The following RBFOX1 variants were observed in gnomAD, a reference collection of about 807,000 sequenced individuals.
RBFOX1 encodes the protein RNA binding fox-1 homolog 1, also known as RNA binding protein fox-1 homolog 1.
In RBFOX1, 8 loss-of-function variants were observed where a neutral mutation model predicts 57.7. The ratio of observed to expected loss-of-function variants is 0.14; its 90% CI spans 0.08 to 0.25. RBFOX1 has a LOEUF of 0.25. Ranked by LOEUF, RBFOX1 falls within the 10% of genes least tolerant of loss-of-function variation. The pLI, the probability that RBFOX1 is intolerant of heterozygous loss-of-function variation, is 1.00. For missense variants in RBFOX1, 611 were observed against 548.5 expected (o/e 1.11, Z -1.14); for synonymous variants, 326 against 222.4 (o/e 1.47, Z -4.15).
intron 7 of RBFOX1, among the ~76,000 whole-genome samples, chr16:7,592,706 C>G (rs1430126644): frequency 6.6e-6 from 1 of 152,138 alleles, no homozygotes. Context: ...TGCCAAGAAG[C>G]CTGGGACATG....
At chr16:7,055,242 C>G (rs2051736391) in intron 4 of RBFOX1, among the ~76,000 whole-genome samples, 1 of 152,064 alleles carries the variant, frequency 6.6e-6, no homozygotes, top group Non-Finnish European at 1.5e-5. Flanking sequence ...ACTCAGCTGA[C>G]TACGCAACAC....
chr16:7,160,171 C>G (rs2078004844), intron 4 of RBFOX1, among the ~76,000 whole-genome samples: 1 of 151,784 alleles, frequency 6.6e-6, no homozygotes. Flanking sequence ...TTCTTGGTTT[C>G]CAAACTTCAT....
At chr16:5,757,009 C>G (rs1022282489) in intron 3 of RBFOX1, among the ~76,000 whole-genome samples, 11 of 152,118 alleles carry the variant, frequency 7.2e-5, no homozygotes, top group Admixed American at 4.6e-4. Flanking sequence ...TAGAAATTTA[C>G]TAATGATTTA....
chr16:5,321,741 G>C (rs1031975831), intron 1 of RBFOX1, among the ~76,000 whole-genome samples: 1 of 152,162 alleles, frequency 6.6e-6, no homozygotes, highest in Non-Finnish European at 1.5e-5. Flanking sequence ...GTGGTGGTTT[G>C]AGTAAATGGA....
upstream of RBFOX1, chr16:6,018,969 G>T (rs909685776): frequency 2.0e-6 from 1 of 489,826 alleles, no homozygotes; most frequent in Non-Finnish European, 2.6e-6. Context: ...ACGCGTGACC[G>T]CGGCGGCGGC....
At chr16:5,424,859 CTTCTTTCTTTCTTTTTTTTCTTTCTTTCT>C in intron 1 of RBFOX1, among the ~76,000 whole-genome samples, 1 of 143,234 alleles carries the variant, frequency 7.0e-6, no homozygotes, top group East Asian at 2.0e-4. Context: ...CTCTCTCTCT[CTTCTTTCTTTCTTTTTTTTCTTTCTTTCT>C]TTCTTTCTTT....
At chr16:7,301,067 C>G (rs2096018530) in intron 4 of RBFOX1, among the ~76,000 whole-genome samples, 1 of 151,954 alleles carries the variant, frequency 6.6e-6, no homozygotes. Context: ...ATGGCTCTTT[C>G]TCAGTCTCTT....
At position 6,639,149 on chromosome 16, in the gene RBFOX1, A is replaced by G. The variant is rs766268342; in HGVS notation, c.-63-15454A>G. Reference sequence around the variant, plus strand: ...CTCAATAGGATGCATAAGAATGATAAATTTTTTTCAAATCATGTGCGCTAG... The same window carrying G: ...CTCAATAGGATGCATAAGAATGATAGATTTTTTTCAAATCATGTGCGCTAG... On this transcript the variant is annotated intron_variant, in intron 2 of 15. Transcript: ENST00000550418. Among the ~76,000 whole-genome samples the G allele has an allele frequency of 2.0e-5, 3 of 152,178 alleles. No homozygotes were observed. The South Asian group carries it at 6.2e-4, about 32-fold the overall frequency.
At chr16:6,425,582 T>C (rs2093902182) in intron 2 of RBFOX1, among the ~76,000 whole-genome samples, 2 of 152,128 alleles carry the variant, frequency 1.3e-5, no homozygotes, top group African/African-American at 4.8e-5. Flanking sequence ...CAAGTTTATC[T>C]ACTGTATGTG....
At chr16:6,180,800 AAGTAATCTAC>A (rs1361499392) in intron 1 of RBFOX1, among the ~76,000 whole-genome samples, 1 of 152,090 alleles carries the variant, frequency 6.6e-6, no homozygotes, top group African/African-American at 2.4e-5. Context: ...TCCTGACCTC[AAGTAATCTAC>A]CTGCCTCGGC....
At position 6,877,370 on chromosome 16, in the gene RBFOX1, C is replaced by T. The variant is rs530396388; in HGVS notation, c.-15-174687C>T. ...TAGCAGAACACAAAAATGTAATTCT[C>T]TAATAACTGACATAACTGCATCATT... On this transcript the variant is annotated intron_variant, in intron 3 of 15. Transcript: ENST00000550418. Among the ~76,000 whole-genome samples the T allele has an allele frequency of 2.8e-4, 42 of 152,266 alleles. No individual in the cohort carries two copies. In the South Asian group the frequency reaches 7.2e-3, roughly 26 times the overall value.
intron 4 of RBFOX1, among the ~76,000 whole-genome samples, chr16:5,970,924 C>A (rs561841548): frequency 6.6e-6 from 1 of 152,200 alleles, no homozygotes; most frequent in Non-Finnish European, 1.5e-5. Flanking sequence ...TCTCAGTGCA[C>A]CCTAAAGCAC....
intron 1 of RBFOX1, among the ~76,000 whole-genome samples, chr16:6,145,870 A>G (rs1440281416): frequency 3.3e-5 from 5 of 152,212 alleles, no homozygotes; most frequent in African/African-American, 1.2e-4. Context: ...TGTGGCCTTG[A>G]CAAGACTCTC....
chr16:5,894,152 T>G lies in RBFOX1; in HGVS notation c.351+26817T>G, dbSNP rs750952889. ...ACATGCCACCAAATTCGAACACAAT[T>G]CTGGAGCTCTATTTTCCCCGGTGTT... On this transcript the variant is annotated intron_variant, in intron 4 of 19. Transcript: ENST00000641259. Among the ~76,000 whole-genome samples, 93 of 152,184 alleles carry G rather than the reference T, an allele frequency of 6.1e-4. 4 individuals carry two copies. The highest frequency in any genetic ancestry group is 1.0e-3 in the Admixed American group (16 of 15,284).
intron 3 of RBFOX1, among the ~76,000 whole-genome samples, chr16:5,746,249 A>G (rs1389087801): frequency 6.6e-6 from 1 of 152,168 alleles, no homozygotes; most frequent in Non-Finnish European, 1.5e-5. Flanking sequence ...AGATGGTTGT[A>G]GATGTGTGGT....
At chr16:7,255,994 G>T (rs1030283321) in intron 4 of RBFOX1, among the ~76,000 whole-genome samples, 4 of 152,096 alleles carry the variant, frequency 2.6e-5, no homozygotes, top group Admixed American at 2.6e-4. Context: ...TTAGTTTATT[G>T]TCTCCTTTTG....
intron 4 of RBFOX1, among the ~76,000 whole-genome samples, chr16:7,160,199 T>A (rs956257394): frequency 3.3e-5 from 5 of 152,170 alleles, no homozygotes. Context: ...TTGACTTTTT[T>A]TTTTTTTAAT....
At chr16:6,305,314 G>C (rs1367149898) in intron 1 of RBFOX1, among the ~76,000 whole-genome samples, 1 of 152,192 alleles carries the variant, frequency 6.6e-6, no homozygotes, top group Non-Finnish European at 1.5e-5. Flanking sequence ...GTGAATTGGA[G>C]ATAATGATGC....
chr16:7,157,135 A>T (rs1262686049), intron 4 of RBFOX1, among the ~76,000 whole-genome samples: 1 of 152,172 alleles, frequency 6.6e-6, no homozygotes. Flanking sequence ...TCGTATTCTC[A>T]TTGGCACAGG....
Sources: allele counts gnomAD v4.1 joint callset (sites outside exome capture counted in the v4.1 genomes callset), GRCh38; gene constraint gnomAD v4.1.1; transcripts MANE v1.5; gene names NCBI Gene and HGNC (gene_info 2026-07-23, HGNC 2026-07-21).